The following WNT7A variants were observed in gnomAD, a reference collection of about 807,000 sequenced individuals.
The protein encoded by WNT7A is Wnt family member 7A.
WNT7A carries 16 observed loss-of-function variants against 28.2 expected under a neutral mutation model. That is an observed-to-expected ratio of 0.57 (90% CI 0.38 to 0.86). The LOEUF is 0.86. Ranked by LOEUF, WNT7A falls within the 40% of genes least tolerant of loss-of-function variation. The probability of loss-of-function intolerance (pLI) is 0.00; values close to 1 mark genes in which losing one functional copy is unlikely to be tolerated. For missense variants in WNT7A, 411 were observed against 489.7 expected, an observed-to-expected ratio of 0.84 and a Z score of 1.52; for synonymous variants, 190 against 195.9, an observed-to-expected ratio of 0.97 and a Z score of 0.25.
chr3:13,856,987 G>GAAGA (rs1694755837), intron 2 of WNT7A, among the ~76,000 whole-genome samples: 3 of 71,598 alleles, frequency 4.2e-5, no homozygotes, highest in African/African-American at 2.3e-4. Flanking sequence ...GAAGAAGAAG[G>GAAGA]AGAAGAAGAA....
At chr3:13,823,193 T>G (rs1237840381) in intron 3 of WNT7A, among the ~76,000 whole-genome samples, 2 of 152,192 alleles carry the variant, frequency 1.3e-5, no homozygotes, top group East Asian at 3.8e-4. Flanking sequence ...AGCTGCACTC[T>G]GCACCCTACT....
In WNT7A at chr3:13,819,033, C is replaced by A. The variant is rs773152916; in HGVS notation, c.961G>T (p.Val321Leu). The A allele has an allele frequency of 6.8e-6, 11 of 1,612,970 alleles. No homozygotes were observed. In the East Asian group the frequency reaches 2.2e-4, roughly 33 times the overall value. Residue 321 changes from valine (V) to leucine (L), a missense_variant, in exon 4 of 4, where the codon GTG becomes TTG. By Grantham distance (32) the Val-to-Leu change is conservative (BLOSUM62 1). Coordinates refer to ENST00000285018, the MANE Select transcript of WNT7A (RefSeq NM_004625.4). ...TGGAACTTACAGTTGCACTGCCACA[C>A]GCGGGCGTACTGGTGGGTGTTGTAG... The part of the protein sequence containing the change: ...RGYNTHQYAR[V>L]WQCNCKFHWC...
Position 13,872,344 on chromosome 3 carries a change from C to A in WNT7A, c.298+2603G>T, listed in dbSNP as rs185501504. On this transcript the variant is annotated intron_variant, in intron 2 of 3. Transcript: ENST00000285018. ...AAGTCAATGCATAATATATGTATAT[C>A]AACATATATTATGTTGCCACTTCTG... Among the ~76,000 whole-genome samples the A allele has an allele frequency of 1.1e-3, 173 of 152,196 alleles. 1 individual carries two copies. The highest frequency in any genetic ancestry group is 4.0e-3 in the African/African-American group (168 of 41,528).
intron 2 of WNT7A, among the ~76,000 whole-genome samples, chr3:13,872,167 C>T (rs1002191082): frequency 2.0e-5 from 3 of 152,164 alleles, no homozygotes; most frequent in African/African-American, 7.2e-5. Context: ...TTGGTGAATG[C>T]ATGAATAAAT....
At chr3:13,845,861 G>A (rs889724816) in intron 3 of WNT7A, among the ~76,000 whole-genome samples, 3 of 152,254 alleles carry the variant, frequency 2.0e-5, no homozygotes, top group African/African-American at 7.2e-5. Flanking sequence ...CTACCTGGAA[G>A]GATCGGAGGA....
Position 13,819,110 on chromosome 3 carries a change from T to A in WNT7A, c.884A>T (p.Asn295Ile), listed in dbSNP as rs957235068. 2 of 1,614,052 alleles carry A rather than the reference T, an allele frequency of 1.2e-6. No homozygotes were observed. Among genetic ancestry groups the A allele is most frequent in the Non-Finnish European group, 1.7e-6 (2 of 1,180,026 alleles). The change falls in exon 4 of 4, where the codon AAC becomes ATC. Residue 295 changes from asparagine to isoleucine, a missense_variant. Physicochemically the swap from Asn to Ile is moderately radical, Grantham distance 149. Coordinates refer to ENST00000285018, the MANE Select transcript of WNT7A (RefSeq NM_004625.4). ...GCCGCTGGCCTGGGGAGCCGTCTTG[T>A]TGCAGGCGCGGCCCTGGGTGCCCAC... Reference protein sequence around the residue: ...GSVGTQGRACNKTAPQASGCD... With the variant: ...GSVGTQGRACIKTAPQASGCD...
intron 3 of WNT7A, among the ~76,000 whole-genome samples, chr3:13,819,971 A>G (rs1386620045): frequency 6.6e-6 from 1 of 152,268 alleles, no homozygotes; most frequent in African/African-American, 2.4e-5. Context: ...CCCAACACCC[A>G]GAGTACAGCA....
chr3:13,859,749 C>T (rs1694799330), intron 2 of WNT7A, among the ~76,000 whole-genome samples: 1 of 152,216 alleles, frequency 6.6e-6, no homozygotes, highest in Non-Finnish European at 1.5e-5. Context: ...TGAAAGAAAG[C>T]TCTGACTTGG....
At chr3:13,842,224 G>A (rs1427812151) in intron 3 of WNT7A, among the ~76,000 whole-genome samples, 1 of 152,180 alleles carries the variant, frequency 6.6e-6, no homozygotes, top group Non-Finnish European at 1.5e-5. Context: ...GTAGGCTGGT[G>A]TGTTCCTACA....
At chr3:13,830,708 G>A (rs915305154) in intron 3 of WNT7A, among the ~76,000 whole-genome samples, 1 of 152,148 alleles carries the variant, frequency 6.6e-6, no homozygotes, top group Non-Finnish European at 1.5e-5. Context: ...CTGCCAGGAG[G>A]CCCCTTTTCC....
At chr3:13,862,464 G>C (rs890958720) in intron 2 of WNT7A, among the ~76,000 whole-genome samples, 18 of 152,226 alleles carry the variant, frequency 1.2e-4, no homozygotes, top group African/African-American at 4.1e-4. Flanking sequence ...AAGCCAATGG[G>C]TCAGAGAGCA....
In WNT7A at chr3:13,818,593, A is replaced by G. The variant is rs372987624; in HGVS notation, c.*351T>C. The G allele has an allele frequency of 1.8e-3, 281 of 155,240 alleles. 22 individuals are homozygous for G. In the South Asian group the frequency reaches 0.056, roughly 31 times the overall value. The allele number at this position is 155,240 out of a possible 1,614,324, so 9.6% of individuals were successfully genotyped here. A position where few individuals can be genotyped will look rare whatever the true frequency, so the allele number is the denominator to read the frequency against. The stretch of plus-strand genomic sequence containing the variant: ...AAACGGATCCCGACGAGGTGGAAGA[A>G]TTCTTTTTAATTAAATAAATTAATA... On this transcript the variant is annotated 3_prime_UTR_variant, in exon 4 of 4. Coordinates refer to ENST00000285018, the MANE Select transcript of WNT7A (RefSeq NM_004625.4).
chr3:13,825,520 A>C (rs1694179463), intron 3 of WNT7A, among the ~76,000 whole-genome samples: 1 of 152,250 alleles, frequency 6.6e-6, no homozygotes, highest in African/African-American at 2.4e-5. Flanking sequence ...GAATAAATTA[A>C]ATGTTCCCAC....
intron 1 of WNT7A, 98 bp from the exon 2 acceptor site, chr3:13,875,271 C>A: frequency 7.8e-7 from 1 of 1,277,842 alleles, no homozygotes; most frequent in East Asian, 2.4e-5. Context: ...CCCCACTGCC[C>A]CCAGCAGTGG....
intron 2 of WNT7A, among the ~76,000 whole-genome samples, chr3:13,871,743 A>G (rs1695028855): frequency 6.6e-6 from 1 of 151,510 alleles, no homozygotes; most frequent in Non-Finnish European, 1.5e-5. Context: ...CAGACTCCAG[A>G]CCCCCACTGC....
intron 3 of WNT7A, among the ~76,000 whole-genome samples, chr3:13,851,447 A>T (rs1275438377): frequency 1.3e-5 from 2 of 152,146 alleles, no homozygotes; most frequent in African/African-American, 4.8e-5. Context: ...TGCCTCGTCC[A>T]CCTGGACTCC....
intron 3 of WNT7A, among the ~76,000 whole-genome samples, chr3:13,845,755 G>A (rs1225418391): frequency 6.6e-6 from 1 of 152,232 alleles, no homozygotes; most frequent in East Asian, 1.9e-4. Context: ...TCTGGTGGCT[G>A]TTTGTGACAT....
chr3:13,872,485 T>G (rs538416801), intron 2 of WNT7A, among the ~76,000 whole-genome samples: 1 of 152,186 alleles, frequency 6.6e-6, no homozygotes, highest in Non-Finnish European at 1.5e-5. Context: ...ACTTGTTAAA[T>G]TGACCCTGTA....
At chr3:13,845,254 G>T (rs1006479059) in intron 3 of WNT7A, among the ~76,000 whole-genome samples, 2 of 152,040 alleles carry the variant, frequency 1.3e-5, no homozygotes, top group Non-Finnish European at 2.9e-5. Context: ...ACATTTTCAG[G>T]CCCCTTAGTA....
Sources: allele counts gnomAD v4.1 joint callset (sites outside exome capture counted in the v4.1 genomes callset), GRCh38; gene constraint gnomAD v4.1.1; transcripts MANE v1.5; gene names NCBI Gene and HGNC (gene_info 2026-07-23, HGNC 2026-07-21).